The following ERBB4 variants were observed in gnomAD, a reference collection of about 807,000 sequenced individuals.
The protein encoded by ERBB4 is receptor tyrosine-protein kinase erbB-4.
Under a neutral mutation model 158.0 loss-of-function variants are expected in ERBB4, and 42 were observed. That is an observed-to-expected ratio of 0.27 (90% confidence interval 0.21 to 0.34). The LOEUF is 0.34. Among genes scored for constraint, ERBB4 ranks in the 10% least tolerant of loss-of-function variants. The pLI is 1.00. For missense variants in ERBB4, 1,333 were observed against 1,624.1 expected, an observed-to-expected ratio of 0.82 and a Z score of 3.08; for synonymous variants, 583 against 558.7, an observed-to-expected ratio of 1.04 and a Z score of -0.61.
rs71054150 is a variant in ERBB4, at chr2:211,925,376, C to CTTTTT, written c.421+22049_421+22053dup. On this transcript the variant is annotated intron_variant, in intron 3 of 27. Transcript: ENST00000342788. Reference sequence around the variant, plus strand: ...CATATTTGAAACAAAAACAAGACTGCTTTTTTTTTTTTTTTTTTTTTTTTG... The same window carrying CTTTTT: ...CATATTTGAAACAAAAACAAGACTGCTTTTTTTTTTTTTTTTTTTTTTTTTTTTTG... Among the ~76,000 whole-genome samples the CTTTTT allele has an allele frequency of 1.5e-3, 122 of 81,564 alleles. 1 individual carries two copies. The highest frequency in any genetic ancestry group is 2.0e-3 in the African/African-American group (41 of 20,220). 53.5% of individuals were successfully genotyped at this position (81,564 alleles called of 152,430 possible).
At chr2:212,333,620 G>C (rs2088287990) in intron 1 of ERBB4, among the ~76,000 whole-genome samples, 1 of 151,696 alleles carries the variant, frequency 6.6e-6, no homozygotes, top group Non-Finnish European at 1.5e-5. Flanking sequence ...CTTGAGCCCA[G>C]GATATTGAGG....
At chr2:212,295,135 T>C (rs1403057846) in intron 1 of ERBB4, among the ~76,000 whole-genome samples, 2 of 152,118 alleles carry the variant, frequency 1.3e-5, no homozygotes, top group Admixed American at 1.3e-4. Flanking sequence ...AAGCAGGTCT[T>C]GCAAGTTGTC....
intron 5 of ERBB4, among the ~76,000 whole-genome samples, chr2:211,728,355 T>TGA (rs2074332916): frequency 6.6e-6 from 1 of 151,762 alleles, no homozygotes; most frequent in Non-Finnish European, 1.5e-5. Context: ...TATATATATA[T>TGA]GATATGTACC....
intron 2 of ERBB4, among the ~76,000 whole-genome samples, chr2:212,107,287 A>G (rs187462683): frequency 1.1e-4 from 17 of 152,292 alleles, no homozygotes; most frequent in Non-Finnish European, 1.6e-4. Flanking sequence ...CGTGACCTGG[A>G]TATGAGACAT....
At chr2:212,442,081 T>C (rs571612292) in intron 1 of ERBB4, among the ~76,000 whole-genome samples, 3 of 152,174 alleles carry the variant, frequency 2.0e-5, no homozygotes, top group Admixed American at 1.3e-4. Flanking sequence ...ATGGCTACCA[T>C]AATGGACAGC....
At chr2:211,468,422 A>G (rs1574548545) in intron 20 of ERBB4, among the ~76,000 whole-genome samples, 1 of 152,160 alleles carries the variant, frequency 6.6e-6, no homozygotes, top group East Asian at 1.9e-4. Flanking sequence ...TTTGACTGTC[A>G]CGTGTGACAC....
chr2:212,304,766 A>G (rs1430966560), intron 1 of ERBB4, among the ~76,000 whole-genome samples: 1 of 151,472 alleles, frequency 6.6e-6, no homozygotes, highest in East Asian at 2.0e-4. Flanking sequence ...TAAAAAAGCT[A>G]AAGTTCTTTA....
intron 1 of ERBB4, among the ~76,000 whole-genome samples, chr2:212,374,988 C>A (rs1252663329): frequency 6.6e-6 from 1 of 151,904 alleles, no homozygotes; most frequent in Admixed American, 6.6e-5. Context: ...AGATATTTGT[C>A]AATGATTATG....
At chr2:211,659,202 A>G (rs906828848) in intron 15 of ERBB4, among the ~76,000 whole-genome samples, 4 of 152,160 alleles carry the variant, frequency 2.6e-5, no homozygotes, top group Admixed American at 2.6e-4. Context: ...TCTCATAAAC[A>G]TTTGTTATAA....
At chr2:211,953,200 A>T (rs839516) in intron 2 of ERBB4, among the ~76,000 whole-genome samples, 42,755 of 151,760 alleles carry the variant, frequency 0.28, 6,358 homozygotes, top group East Asian at 0.39. Context: ...ACAATTATGA[A>T]TTATGTCCAA....
chr2:212,157,830 T>A (rs1400774836), intron 1 of ERBB4, among the ~76,000 whole-genome samples: 10 of 152,068 alleles, frequency 6.6e-5, no homozygotes, highest in Non-Finnish European at 1.5e-5. Flanking sequence ...CCAGAGCTCT[T>A]CCTAAGTCTT....
At chr2:212,092,864 T>C (rs2078820967) in intron 2 of ERBB4, among the ~76,000 whole-genome samples, 1 of 152,102 alleles carries the variant, frequency 6.6e-6, no homozygotes, top group South Asian at 2.1e-4. Context: ...ATGCAGATGA[T>C]GAGTTGATGG....
At chr2:211,402,006 G>A (rs1409085764) in intron 25 of ERBB4, among the ~76,000 whole-genome samples, 1 of 151,528 alleles carries the variant, frequency 6.6e-6, no homozygotes, top group Non-Finnish European at 1.5e-5. Context: ...TTAAGCCAGG[G>A]TGCAGCTATG....
intron 2 of ERBB4, among the ~76,000 whole-genome samples, chr2:211,959,024 A>G (rs1481782959): frequency 3.3e-5 from 5 of 152,060 alleles, no homozygotes; most frequent in Non-Finnish European, 7.4e-5. Flanking sequence ...ATAACCAAAC[A>G]ATCCTAACGT....
intron 1 of ERBB4, among the ~76,000 whole-genome samples, chr2:212,487,297 A>AT (rs138123063): frequency 0.071 from 10,771 of 152,030 alleles, 530 homozygotes; most frequent in African/African-American, 0.14. Context: ...TATACCAAAT[A>AT]ATTTTTCCAT....
rs369825972 is a variant in ERBB4 at position 212,126,012 on chromosome 2, C to G, written c.83-1109G>C. Among the ~76,000 whole-genome samples, 56 of 152,180 alleles carry G rather than the reference C, an allele frequency of 3.7e-4. 1 individual carries two copies. Among genetic ancestry groups the G allele is most frequent in the African/African-American group, 1.3e-3 (54 of 41,516 alleles). On this transcript the variant is annotated intron_variant, in intron 1 of 27. Transcript: ENST00000342788. Reference sequence around the variant, plus strand: ...AATATTTGTAAACATATACTACAAACCAGATATGTAAAAAATACAACTTTT... The same window carrying G: ...AATATTTGTAAACATATACTACAAAGCAGATATGTAAAAAATACAACTTTT...
At chr2:212,297,671 A>G (rs2086463265) in intron 1 of ERBB4, among the ~76,000 whole-genome samples, 1 of 151,852 alleles carries the variant, frequency 6.6e-6, no homozygotes. Context: ...GTTTTTAGAT[A>G]AACATGTCTA....
chr2:211,861,107 A>ATTT (rs2078022002), intron 3 of ERBB4, among the ~76,000 whole-genome samples: 1 of 42,654 alleles, frequency 2.3e-5, no homozygotes, highest in Non-Finnish European at 4.3e-5. Context: ...TACATTATAT[A>ATTT]TATTTATATA....
chr2:211,771,471 C>A (rs1441433454), intron 4 of ERBB4, among the ~76,000 whole-genome samples: 1 of 152,156 alleles, frequency 6.6e-6, no homozygotes, highest in Non-Finnish European at 1.5e-5. Context: ...CTTGTTTAAT[C>A]TGACAGGGAC....
Sources: gnomAD v4.1 joint callset for allele counts (sites outside exome capture counted in the v4.1 genomes callset) on GRCh38, gnomAD v4.1.1 for gene constraint, MANE v1.5 for transcripts, NCBI Gene and HGNC (gene_info 2026-07-23, HGNC 2026-07-21) for gene names.